ST6GALNAC3: variants seen among roughly 807,000 people sequenced by gnomAD.
ST6GALNAC3 encodes the protein ST6 N-acetylgalactosaminide alpha-2,6-sialyltransferase 3, also known as alpha-N-acetylgalactosaminide alpha-2,6-sialyltransferase 3.
Under a neutral mutation model 32.7 loss-of-function variants are expected in ST6GALNAC3, and 25 were observed. That is an observed-to-expected ratio of 0.76 (90% CI 0.56 to 1.07). The LOEUF is 1.07. Among genes scored for constraint, ST6GALNAC3 ranks in the 50% least tolerant of loss-of-function variants. ST6GALNAC3 has a pLI of 0.00. For synonymous variants in ST6GALNAC3, 129 were observed against 133.1 expected (o/e 0.97, Z 0.21); for missense variants, 355 against 382.4 (o/e 0.93, Z 0.60).
At chr1:76,385,231 C>T (rs1456020519) in intron 2 of ST6GALNAC3, among the ~76,000 whole-genome samples, 1 of 152,062 alleles carries the variant, frequency 6.6e-6, no homozygotes, top group Non-Finnish European at 1.5e-5. Context: ...GGTTCAAATT[C>T]TGTATCAGTC....
chr1:76,103,811 C>T (rs1223941341), intron 1 of ST6GALNAC3, among the ~76,000 whole-genome samples: 1 of 152,184 alleles, frequency 6.6e-6, no homozygotes, highest in East Asian at 1.9e-4. Flanking sequence ...TTTCTTCTGC[C>T]AATCTCTTAT....
chr1:76,484,342 TC>T (rs1659950708), intron 3 of ST6GALNAC3, among the ~76,000 whole-genome samples: 2 of 152,358 alleles, frequency 1.3e-5, no homozygotes, highest in South Asian at 4.1e-4. Flanking sequence ...TATTGATTCT[TC>T]CTATCCATGA....
chr1:76,220,256 A>G (rs1655692772), intron 1 of ST6GALNAC3, among the ~76,000 whole-genome samples: 1 of 152,220 alleles, frequency 6.6e-6, no homozygotes, highest in Non-Finnish European at 1.5e-5. Context: ...TTGAAGAATT[A>G]TCTACCTAAT....
chr1:76,328,746 T>G (rs1032995071), intron 2 of ST6GALNAC3, among the ~76,000 whole-genome samples: 3 of 152,150 alleles, frequency 2.0e-5, no homozygotes, highest in Non-Finnish European at 4.4e-5. Context: ...TAGGTGGAAA[T>G]TGACATCGTT....
rs764376677 is a variant in ST6GALNAC3 at position 76,265,193 on chromosome 1, G to A, written c.19-48612G>A. Among the ~76,000 whole-genome samples, 57 of 152,044 alleles carry A rather than the reference G, an allele frequency of 3.7e-4. 1 individual carries two copies. The highest frequency in any genetic ancestry group is 1.4e-4 in the African/African-American group (6 of 41,406). On this transcript the variant is annotated intron_variant, in intron 1 of 4. Coordinates refer to ENST00000328299, the MANE Select transcript of ST6GALNAC3 (RefSeq NM_152996.4). ...GGTAAGCACAGCTAAAGTTTGACAC[G>A]GCAGCTTCAATGAATCATGCCTCTT...
At chr1:76,104,311 G>A (rs1238961223) in intron 1 of ST6GALNAC3, among the ~76,000 whole-genome samples, 2 of 152,156 alleles carry the variant, frequency 1.3e-5, no homozygotes, top group Non-Finnish European at 2.9e-5. Flanking sequence ...AGCACTTGGG[G>A]CATTAGAATT....
intron 3 of ST6GALNAC3, among the ~76,000 whole-genome samples, chr1:76,480,689 A>T (rs900002086): frequency 1.5e-4 from 23 of 152,160 alleles, no homozygotes; most frequent in Admixed American, 3.9e-4. Context: ...CTCTTTTAGC[A>T]GTAAATGTTA....
chr1:76,371,202 T>C (rs557493679), intron 2 of ST6GALNAC3, among the ~76,000 whole-genome samples: 4 of 152,256 alleles, frequency 2.6e-5, no homozygotes, highest in Admixed American at 2.0e-4. Context: ...CCAAAAAGGA[T>C]CTAAGATGAA....
intron 3 of ST6GALNAC3, among the ~76,000 whole-genome samples, chr1:76,614,164 T>C (rs370445495): frequency 3.9e-4 from 60 of 152,334 alleles, no homozygotes; most frequent in African/African-American, 1.4e-3. Context: ...ATGGGGCACC[T>C]TTGCCAAAAA....
In ST6GALNAC3 at chr1:76,629,502, C is replaced by T; in HGVS notation, c.*696C>T. The stretch of plus-strand genomic sequence containing the variant: ...TTGATGAATTTCCACTCTTACCATC[C>T]ATTCTTACTACCAACAGTATAACTG... On this transcript the variant is annotated 3_prime_UTR_variant, in exon 5 of 5. Transcript: ENST00000328299. 2.0e-6 allele frequency: 2 copies of T among 984,848 alleles called. No individual in the cohort carries two copies. 61.0% of individuals were successfully genotyped at this position (984,848 alleles called of 1,614,324 possible).
chr1:76,555,348 G>C (rs1664857630), intron 3 of ST6GALNAC3, among the ~76,000 whole-genome samples: 1 of 152,154 alleles, frequency 6.6e-6, no homozygotes, highest in Non-Finnish European at 1.5e-5. Flanking sequence ...TCTAGTTTCT[G>C]TGGAATTAAT....
intron 3 of ST6GALNAC3, among the ~76,000 whole-genome samples, chr1:76,457,621 C>G (rs1657929073): frequency 6.6e-6 from 1 of 151,938 alleles, no homozygotes. Context: ...CTGAGAAAAA[C>G]AAGCAATGGG....
intron 1 of ST6GALNAC3, among the ~76,000 whole-genome samples, chr1:76,120,926 GT>G (rs1648834204): frequency 6.6e-6 from 1 of 152,180 alleles, no homozygotes; most frequent in Non-Finnish European, 1.5e-5. Flanking sequence ...AGAGGAAACT[GT>G]TGTCTTGCCT....
intron 3 of ST6GALNAC3, among the ~76,000 whole-genome samples, chr1:76,490,996 TTAC>T (rs1660464722): frequency 6.6e-6 from 1 of 151,912 alleles, no homozygotes; most frequent in Non-Finnish European, 1.5e-5. Context: ...GTAGCTGGGA[TTAC>T]GGACATGCGC....
chr1:76,272,956 G>T (rs888817257), intron 1 of ST6GALNAC3, among the ~76,000 whole-genome samples: 3 of 152,168 alleles, frequency 2.0e-5, no homozygotes, highest in Non-Finnish European at 4.4e-5. Context: ...CATAACAGGG[G>T]TACTTTACCT....
chr1:76,075,722 T>C (rs1196593325), intron 1 of ST6GALNAC3, among the ~76,000 whole-genome samples: 6 of 151,778 alleles, frequency 4.0e-5, no homozygotes, highest in Non-Finnish European at 7.4e-5. Flanking sequence ...TTTTTTTTTT[T>C]GCACTACCTT....
At chr1:76,191,288 G>A (rs1462064625) in intron 1 of ST6GALNAC3, among the ~76,000 whole-genome samples, 1 of 151,428 alleles carries the variant, frequency 6.6e-6, no homozygotes, top group Non-Finnish European at 1.5e-5. Context: ...TCACTCTTAC[G>A]TGGATTCTAA....
chr1:76,251,880 A>G (rs1657638038), intron 1 of ST6GALNAC3, among the ~76,000 whole-genome samples: 1 of 152,054 alleles, frequency 6.6e-6, no homozygotes, highest in East Asian at 1.9e-4. Context: ...TTAGTGCCTC[A>G]CTCAGAAGAT....
chr1:76,414,100 A>G (rs1200063078), intron 3 of ST6GALNAC3, among the ~76,000 whole-genome samples: 1 of 152,056 alleles, frequency 6.6e-6, no homozygotes, highest in African/African-American at 2.4e-5. Context: ...ACATATGTGT[A>G]AATTGTAAAA....
Sources: gnomAD v4.1 joint callset for allele counts (sites outside exome capture counted in the v4.1 genomes callset) on GRCh38, gnomAD v4.1.1 for gene constraint, MANE v1.5 for transcripts, NCBI Gene and HGNC (gene_info 2026-07-23, HGNC 2026-07-21) for gene names.